The following PCDHA9 variants were observed in gnomAD, a reference collection of about 807,000 sequenced individuals.
The protein encoded by PCDHA9 is protocadherin alpha-9.
PCDHA9 carries 62 observed loss-of-function variants against 62.0 expected under a neutral mutation model. The observed-to-expected ratio is 1.00, with a 90% CI of 0.81 to 1.23. The LOEUF is 1.23. PCDHA9 is among the 50% of genes most tolerant of loss of function. The pLI is 0.00. For missense variants in PCDHA9, 1,205 were observed against 1,249.8 expected, an observed-to-expected ratio of 0.96 and a Z score of 0.54; for synonymous variants, 557 against 567.6, an observed-to-expected ratio of 0.98 and a Z score of 0.27.
intron 1 of PCDHA9, chr5:140,875,264 C>G: frequency 8.4e-7 from 1 of 1,189,324 alleles, no homozygotes; most frequent in Non-Finnish European, 1.1e-6. Flanking sequence ...TGATGTCGCT[C>G]TACACTCAGA....
At chr5:140,971,462 A>G (rs1554233357) in intron 1 of PCDHA9, among the ~76,000 whole-genome samples, 1 of 152,184 alleles carries the variant, frequency 6.6e-6, no homozygotes, top group African/African-American at 2.4e-5. Flanking sequence ...TTTTGCAGTT[A>G]TAGGGAGAGA....
chr5:140,870,801 G>T (rs1210285882), intron 1 of PCDHA9: 6 of 1,613,670 alleles, frequency 3.7e-6, no homozygotes, highest in Non-Finnish European at 5.1e-6. Context: ...CACTGCTGGC[G>T]ACTCAGGCTG....
rs1424860955 is a variant in PCDHA9, at chr5:140,855,923, A to G, written c.2394+5034A>G. 3.3e-6 allele frequency: 4 copies of G among 1,229,030 alleles called. No individual in the cohort carries two copies. In the East Asian group the frequency reaches 9.4e-5, roughly 29 times the overall value. The allele number at this position is 1,229,030 out of a possible 1,614,324, so 76.1% of individuals were successfully genotyped here. ...GCCAGTTTCTCAAGGACTAGGAAGT[A>G]GCGTCATTCTGAGATCTCAGCCATT... On this transcript the variant is annotated intron_variant, in intron 1 of 3. Transcript: ENST00000532602.
At chr5:140,857,506 C>A in intron 1 of PCDHA9, 2 of 1,598,276 alleles carry the variant, frequency 1.3e-6, no homozygotes, top group Non-Finnish European at 1.7e-6. Flanking sequence ...CGCAGGAGAA[C>A]GCCCTGGTGT....
At chr5:140,957,726 A>T (rs1297510940) in intron 1 of PCDHA9, among the ~76,000 whole-genome samples, 4 of 152,164 alleles carry the variant, frequency 2.6e-5, no homozygotes, top group Non-Finnish European at 5.9e-5. Flanking sequence ...AAGAAGCAGA[A>T]TTATATATAC....
intron 1 of PCDHA9, chr5:140,968,754 G>T: frequency 1.2e-6 from 2 of 1,614,170 alleles, no homozygotes; most frequent in Non-Finnish European, 1.7e-6. Flanking sequence ...GTGGTGGTCC[G>T]AGATAATGGA....
Position 140,982,581 on chromosome 5 carries a change from C to T in PCDHA9, c.2542+18C>T, listed in dbSNP as rs782060139. On this transcript the variant is annotated intron_variant, in intron 3 of 3. Transcript: ENST00000532602. ...AACACCAGGTAAAGAGCTGGGGTCT[C>T]TCCATTCTTTCTTGGTTTCTGGAAA... 9 of 1,612,098 alleles carry T rather than the reference C, an allele frequency of 5.6e-6. No individual in the cohort carries two copies. The highest frequency in any genetic ancestry group is 4.0e-5 in the African/African-American group (3 of 74,892).
In PCDHA9 at chr5:140,883,729, C is replaced by T. The variant is rs572170960; in HGVS notation, c.2394+32840C>T. 8 of 1,613,520 alleles carry T rather than the reference C, an allele frequency of 5.0e-6. No homozygotes were observed. In the African/African-American group the frequency reaches 8.0e-5, roughly 16 times the overall value. ...CTCAGGACGCGGACGCACAGGAGAA[C>T]GCGCTGGTCTCCTACTCGCTGGTGG... On this transcript the variant is annotated intron_variant, in intron 1 of 3. Coordinates refer to ENST00000532602, the MANE Select transcript of PCDHA9 (RefSeq NM_031857.2).
chr5:141,001,381 A>G (rs1213919091), intron 3 of PCDHA9, among the ~76,000 whole-genome samples: 1 of 152,218 alleles, frequency 6.6e-6, no homozygotes, highest in Non-Finnish European at 1.5e-5. Context: ...TACAGAGCCT[A>G]AGATCCTACA....
chr5:140,953,456 C>T (rs1159331179), intron 1 of PCDHA9, among the ~76,000 whole-genome samples: 1 of 152,110 alleles, frequency 6.6e-6, no homozygotes, highest in Admixed American at 6.5e-5. Context: ...GATTATCTGT[C>T]AGAGTTTTAA....
chr5:140,883,356 C>A, intron 1 of PCDHA9: 1 of 1,614,190 alleles, frequency 6.2e-7, no homozygotes, highest in Non-Finnish European at 8.5e-7. Flanking sequence ...AGAGAAGACA[C>A]TCAGCCTAGC....
intron 3 of PCDHA9, among the ~76,000 whole-genome samples, chr5:140,983,425 C>T (rs1252010683): frequency 2.0e-5 from 3 of 152,198 alleles, no homozygotes; most frequent in Non-Finnish European, 4.4e-5. Context: ...GTAGAGACCA[C>T]AAATTGTGTC....
chr5:140,920,773 G>A (rs374394320), intron 1 of PCDHA9, among the ~76,000 whole-genome samples: 41 of 151,942 alleles, frequency 2.7e-4, no homozygotes, highest in African/African-American at 9.2e-4. Flanking sequence ...ACACCTGGGA[G>A]GTGGAGGTTG....
intron 1 of PCDHA9, chr5:140,928,156 T>G (rs1554205560): frequency 6.2e-7 from 1 of 1,614,188 alleles, no homozygotes; most frequent in East Asian, 2.2e-5. Context: ...AGATAGTGGC[T>G]CACCCCCACT....
intron 1 of PCDHA9, among the ~76,000 whole-genome samples, chr5:140,945,198 C>T (rs1563212846): frequency 6.6e-6 from 1 of 151,982 alleles, no homozygotes; most frequent in Non-Finnish European, 1.5e-5. Flanking sequence ...ATGCTATTTA[C>T]AATAGCTATG....
intron 1 of PCDHA9, among the ~76,000 whole-genome samples, chr5:140,939,691 G>A (rs782722243): frequency 3.5e-4 from 53 of 152,250 alleles, no homozygotes; most frequent in African/African-American, 1.2e-3. Context: ...TGTGTTGCTG[G>A]ACATTATCAT....
At chr5:140,856,229 C>G (rs17844338) in intron 1 of PCDHA9, 1 of 1,597,934 alleles carries the variant, frequency 6.3e-7, no homozygotes, top group South Asian at 1.1e-5. Context: ...GCTGGTGCAG[C>G]GCCTGTTCCG....
intron 1 of PCDHA9, chr5:140,928,160 C>T (rs782224079): frequency 1.2e-6 from 2 of 1,614,094 alleles, no homozygotes; most frequent in Non-Finnish European, 1.7e-6. Context: ...AGTGGCTCAC[C>T]CCCACTTAGC....
chr5:140,929,430 A>G, intron 1 of PCDHA9: 1 of 1,490,684 alleles, frequency 6.7e-7, no homozygotes, highest in Non-Finnish European at 9.0e-7. Flanking sequence ...CATCAATTGA[A>G]CTAAACACTC....
Sources: gnomAD v4.1 joint callset for allele counts (sites outside exome capture counted in the v4.1 genomes callset) on GRCh38, gnomAD v4.1.1 for gene constraint, MANE v1.5 for transcripts, NCBI Gene and HGNC (gene_info 2026-07-23, HGNC 2026-07-21) for gene names.